Variants in PIEZO1 observed in about 807,000 individuals in gnomAD.
PIEZO1 encodes piezo-type mechanosensitive ion channel component 1.
Under a neutral mutation model 297.2 loss-of-function variants are expected in PIEZO1, and 296 were observed. The observed-to-expected ratio is 1.00, with a 90% CI of 0.91 to 1.10. The LOEUF (loss-of-function observed/expected upper bound fraction) is 1.10. Among genes scored for constraint, PIEZO1 ranks in the 50% least tolerant of loss-of-function variants. PIEZO1 has a pLI of 0.00. For synonymous variants in PIEZO1, 2,427 were observed against 1,507.5 expected (o/e 1.61, Z -14.13); for missense variants, 5,018 against 3,455.5 (o/e 1.45, Z -11.34).
chr16:88,757,331 G>A (rs201097487), intron 1 of PIEZO1, among the ~76,000 whole-genome samples: 5 of 117,318 alleles, frequency 4.3e-5, no homozygotes, highest in African/African-American at 2.1e-4. Flanking sequence ...GGGGGGTGGG[G>A]GGTAGTTACC....
rs376031904 is a variant in PIEZO1, at chr16:88,760,624, G to C, written c.65-11145C>G. Reference sequence around the variant, plus strand: ...ACCCAGGGAGCCCAGGACAGGCAGGGGCCCGAGGGGAGCCACCCGTCTTCG... The same window carrying C: ...ACCCAGGGAGCCCAGGACAGGCAGGCGCCCGAGGGGAGCCACCCGTCTTCG... On this transcript the variant is annotated intron_variant, in intron 1 of 50. Coordinates refer to ENST00000301015, the MANE Select transcript of PIEZO1 (RefSeq NM_001142864.4). Among the ~76,000 whole-genome samples, 111 of 152,012 alleles carry C rather than the reference G, an allele frequency of 7.3e-4. No homozygotes were observed. The East Asian group carries it at 0.014, about 20-fold the overall frequency.
At chr16:88,725,129 G>T (rs1182083744) in intron 29 of PIEZO1, 49 bp from the exon 30 acceptor site, 1 of 1,337,482 alleles carries the variant, frequency 7.5e-7, no homozygotes. Flanking sequence ...CCACCAGGAG[G>T]GGTCGGGGCT....
chr16:88,717,818 A>T (rs1410368778), intron 44 of PIEZO1: 1 of 445,606 alleles, frequency 2.2e-6, no homozygotes, highest in Non-Finnish European at 4.5e-6. Flanking sequence ...TCTGCAGAAA[A>T]ACAGAAAAAA....
At chr16:88,739,716 G>C (rs1016274362) in intron 5 of PIEZO1, 1 of 152,556 alleles carries the variant, frequency 6.6e-6, no homozygotes, top group African/African-American at 2.4e-5. Context: ...GGGAGGCTCC[G>C]AGGCCAGGGT....
At chr16:88,723,430 C>G (rs1904299220) in intron 31 of PIEZO1, 102 bp from the exon 32 acceptor site, 1 of 1,341,210 alleles carries the variant, frequency 7.5e-7, no homozygotes. Flanking sequence ...GATCCCTGCT[C>G]TGTGTCTCCC....
chr16:88,748,558 G>A (rs935363458), intron 2 of PIEZO1, among the ~76,000 whole-genome samples: 3 of 151,792 alleles, frequency 2.0e-5, no homozygotes, highest in Non-Finnish European at 4.4e-5. Context: ...GCGGGAGGGC[G>A]GTCCAGGCGG....
chr16:88,771,701 G>A (rs1198527814), intron 1 of PIEZO1, among the ~76,000 whole-genome samples: 1 of 152,196 alleles, frequency 6.6e-6, no homozygotes, highest in Non-Finnish European at 1.5e-5. Flanking sequence ...GACACTAGTG[G>A]AGCCGACGTC....
At position 88,733,416 on chromosome 16, in the gene PIEZO1, G is replaced by A; in HGVS notation, c.2526C>T (p.Ala842=). 1.9e-6 allele frequency: 3 copies of A among 1,549,886 alleles called. No individual in the cohort carries two copies. The highest frequency in any genetic ancestry group is 1.4e-5 in the African/African-American group (1 of 73,122). The change falls in exon 19 of 51, where the codon GCC becomes GCT. Residue 842 remains alanine (A), a synonymous_variant. Coordinates refer to ENST00000301015, the MANE Select transcript of PIEZO1 (RefSeq NM_001142864.4). ...VMNLLLVVLW[A]FALPYPRFRP... The stretch of plus-strand genomic sequence containing the variant: ...GGAAGCGTGGGTAGGGCAGGGCGAA[G>A]GCCCACAGCACCACCAGCAGCAGGT...
chr16:88,747,388 C>T (rs1204837814), intron 2 of PIEZO1, among the ~76,000 whole-genome samples: 1 of 152,174 alleles, frequency 6.6e-6, no homozygotes, highest in Non-Finnish European at 1.5e-5. Flanking sequence ...TGATGGTGGG[C>T]GCCTGTAATC....
intron 30 of PIEZO1, among the ~76,000 whole-genome samples, chr16:88,724,350 G>A (rs1019439587): frequency 1.3e-5 from 2 of 152,128 alleles, no homozygotes; most frequent in African/African-American, 2.4e-5. Flanking sequence ...GGCCAATATG[G>A]TGAAACCCCA....
intron 10 of PIEZO1, 75 bp from the exon 11 acceptor site, chr16:88,736,814 T>TGGG: frequency 1.1e-6 from 1 of 922,316 alleles, no homozygotes; most frequent in South Asian, 1.7e-5. Flanking sequence ...CCCTAAAATC[T>TGGG]GGGCCCTGGG....
intron 2 of PIEZO1, chr16:88,743,087 C>A (rs532556411): frequency 2.2e-6 from 1 of 456,594 alleles, no homozygotes; most frequent in Non-Finnish European, 4.4e-6. Flanking sequence ...TGGCAGGAAG[C>A]GGCAGCACCA....
chr16:88,741,365 T>G (rs1379973142), intron 5 of PIEZO1, 113 bp downstream of exon 5: 1 of 1,059,932 alleles, frequency 9.4e-7, no homozygotes. Context: ...AACACCAACT[T>G]ACAACCAAAA....
chr16:88,725,384 G>A (rs762225902), intron 29 of PIEZO1, 32 bp downstream of exon 29: 3 of 1,275,370 alleles, frequency 2.4e-6, no homozygotes, highest in Non-Finnish European at 3.2e-6. Context: ...CTGGACACGG[G>A]GCCCTGGGTG....
At chr16:88,719,324 C>T (rs1912262004) in intron 44 of PIEZO1, 1 of 524,612 alleles carries the variant, frequency 1.9e-6, no homozygotes, top group Non-Finnish European at 3.4e-6. Context: ...GCACCAGGCC[C>T]TGCTCTGCTG....
In PIEZO1 at chr16:88,733,732, C is replaced by G; in HGVS notation, c.2343G>C (p.Trp781Cys). 3 of 1,545,320 alleles carry G rather than the reference C, an allele frequency of 1.9e-6. No homozygotes were observed. Among genetic ancestry groups the G allele is most frequent in the Non-Finnish European group, 2.6e-6 (3 of 1,144,142 alleles). ...ATQVPEGAAK[W>C]GLVAERLLEL... is the part of the protein sequence containing the mutation. ...CCAGCAGCCGCTCAGCCACCAGGCC[C>G]CACTTGGCTGCCCCTGTGATGGTGT... Residue 781 changes from tryptophan to cysteine, a missense_variant, in exon 18 of 51, where the codon TGG (tryptophan) becomes TGC (cysteine). Transcript: ENST00000301015.
intron 1 of PIEZO1, among the ~76,000 whole-genome samples, chr16:88,760,231 C>T (rs945029258): frequency 3.9e-5 from 6 of 152,266 alleles, no homozygotes; most frequent in South Asian, 2.1e-4. Context: ...TCCCCCGGGG[C>T]GCTGGACCGT....
chr16:88,739,056 T>C, intron 5 of PIEZO1: 1 of 379,020 alleles, frequency 2.6e-6, no homozygotes, highest in Non-Finnish European at 4.8e-6. Flanking sequence ...CAGACTGTCC[T>C]ATACCACCTC....
chr16:88,749,300 G>C (rs1906257917), intron 2 of PIEZO1, 84 bp downstream of exon 2: 1 of 876,974 alleles, frequency 1.1e-6, no homozygotes, highest in Non-Finnish European at 1.7e-6. Context: ...TGTTAAAGGT[G>C]AGGAAAGCTG....
Sources: allele counts gnomAD v4.1 joint callset (sites outside exome capture counted in the v4.1 genomes callset), GRCh38; gene constraint gnomAD v4.1.1; transcripts MANE v1.5; gene names NCBI Gene and HGNC (gene_info 2026-07-23, HGNC 2026-07-21).